Variants in RANBP10 observed in about 807,000 individuals in gnomAD.
RANBP10 encodes the protein ran-binding protein 10.
In RANBP10, 24 loss-of-function variants were observed where a neutral mutation model predicts 72.8. That is an observed-to-expected ratio of 0.33 (90% CI 0.24 to 0.46). The LOEUF (loss-of-function observed/expected upper bound fraction) is 0.46, where lower values mean the gene tolerates loss of function less well. Ranked by LOEUF, RANBP10 falls within the 20% of genes least tolerant of loss-of-function variation. The probability of loss-of-function intolerance (pLI) is 1.00; values close to 1 mark genes in which losing one functional copy is unlikely to be tolerated. For missense variants in RANBP10, 679 were observed against 817.5 expected, an observed-to-expected ratio of 0.83 and a Z score of 2.07; for synonymous variants, 310 against 322.3, an observed-to-expected ratio of 0.96 and a Z score of 0.41.
rs988684440 is a variant in RANBP10 at position 67,806,480 on chromosome 16, G to A, written c.57C>T (p.Ser19=). Residue 19 remains serine, a synonymous_variant, in exon 1 of 14, where the codon TCC becomes TCT. Transcript: ENST00000317506. ...GCAGCCCGCCCCCAGCGCCCCCGCC[G>A]GAGGAGTCCCCAGGCTGCGGGTTCC... ...GAGNPQPGDS[S]GGGAGGGLPS... The A allele has an allele frequency of 3.2e-6, 5 of 1,548,324 alleles. No individual in the cohort carries two copies. Among genetic ancestry groups the A allele is most frequent in the African/African-American group, 2.7e-5 (2 of 72,968 alleles).
chr16:67,751,380 T>C (rs1377294793), intron 3 of RANBP10, among the ~76,000 whole-genome samples: 1 of 152,226 alleles, frequency 6.6e-6, no homozygotes, highest in Non-Finnish European at 1.5e-5. Context: ...TCCCAAGCAC[T>C]TGGGAGGATG....
intron 3 of RANBP10, among the ~76,000 whole-genome samples, chr16:67,769,014 T>C (rs368051997): frequency 2.6e-5 from 4 of 152,240 alleles, no homozygotes; most frequent in East Asian, 3.8e-4. Context: ...CCAAAGATGA[T>C]CTATACATAT....
rs146456542 is a variant in RANBP10 at position 67,726,918 on chromosome 16, A to T, written c.1733-360T>A. On this transcript the variant is annotated intron_variant, in intron 13 of 13. Coordinates refer to ENST00000317506, the MANE Select transcript of RANBP10 (RefSeq NM_020850.3). ...AGAGCTTGCTGCCCCAGTGTGGATAAACATCAGCTCTTTCTGGGGCCAATT... is the reference window on the plus strand; with the variant it reads ...AGAGCTTGCTGCCCCAGTGTGGATATACATCAGCTCTTTCTGGGGCCAATT... Among the ~76,000 whole-genome samples, 558 of 152,286 alleles carry T rather than the reference A, an allele frequency of 3.7e-3. 6 individuals carry two copies. The highest frequency in any genetic ancestry group is 0.012 in the African/African-American group (514 of 41,552).
At chr16:67,794,166 G>A (rs1455666406) in intron 2 of RANBP10, among the ~76,000 whole-genome samples, 6 of 152,130 alleles carry the variant, frequency 3.9e-5, no homozygotes, top group Non-Finnish European at 8.8e-5. Context: ...TGGTCGGGGT[G>A]GTGGCTCAAG....
At chr16:67,774,194 C>T (rs2054655989) in intron 2 of RANBP10, among the ~76,000 whole-genome samples, 1 of 152,240 alleles carries the variant, frequency 6.6e-6, no homozygotes, top group African/African-American at 2.4e-5. Context: ...CAGCCACTCA[C>T]CATGCCCTGT....
Position 67,729,492 on chromosome 16 carries a change from C to T in RANBP10, c.1148-8G>A. Reference sequence around the variant, plus strand: ...AGCTGGGACTGTCTGCTCCTAGAAGCCAGGGTGACAGTCAGAAGAGGAGGG... The same window carrying T: ...AGCTGGGACTGTCTGCTCCTAGAAGTCAGGGTGACAGTCAGAAGAGGAGGG... On this transcript the variant is annotated splice_region_variant and splice_polypyrimidine_tract_variant and intron_variant, in intron 9 of 13. Coordinates refer to ENST00000317506, the MANE Select transcript of RANBP10 (RefSeq NM_020850.3). This position sits in a 1 kb window ranked among gnomAD's most constrained non-coding sequence, Gnocchi z 7.1. The T allele has an allele frequency of 2.5e-6, 4 of 1,609,132 alleles. No homozygotes were observed. The highest frequency in any genetic ancestry group is 3.4e-6 in the Non-Finnish European group (4 of 1,177,916).
chr16:67,806,253 C>T, intron 1 of RANBP10, 49 bp downstream of exon 1: 2 of 1,522,224 alleles, frequency 1.3e-6, no homozygotes, highest in Non-Finnish European at 8.9e-7. Flanking sequence ...AGCAGAGCCA[C>T]CCCACGGACG....
chr16:67,770,260 T>C (rs932009439), intron 3 of RANBP10, among the ~76,000 whole-genome samples: 4 of 152,004 alleles, frequency 2.6e-5, no homozygotes, highest in African/African-American at 7.3e-5. Context: ...CAAGGCCAGA[T>C]GCTCATATAA....
intron 2 of RANBP10, among the ~76,000 whole-genome samples, chr16:67,779,042 C>T (rs920410347): frequency 6.6e-6 from 1 of 151,990 alleles, no homozygotes; most frequent in Non-Finnish European, 1.5e-5. Flanking sequence ...TGCAGTGCCT[C>T]CCGCCATTGC....
At chr16:67,737,753 G>C (rs1024256835) in intron 5 of RANBP10, among the ~76,000 whole-genome samples, 1 of 151,988 alleles carries the variant, frequency 6.6e-6, no homozygotes, top group Non-Finnish European at 1.5e-5. Context: ...CACCCTACCC[G>C]CCCCAGCCCC....
At chr16:67,754,801 T>C (rs2054258535) in intron 3 of RANBP10, among the ~76,000 whole-genome samples, 2 of 152,332 alleles carry the variant, frequency 1.3e-5, no homozygotes, top group South Asian at 2.1e-4. Context: ...CTTCCCGTGA[T>C]AGGCCCTGGC....
intron 2 of RANBP10, among the ~76,000 whole-genome samples, chr16:67,786,066 C>T (rs2143016702): frequency 6.6e-6 from 1 of 151,320 alleles, no homozygotes; most frequent in African/African-American, 2.4e-5. Context: ...TAGCTCACAT[C>T]TGTAATACCA....
In RANBP10 at chr16:67,730,719, TCTGG is replaced by T. The variant is rs1247989695; in HGVS notation, c.890-677_890-674del. 6.6e-6 allele frequency among the ~76,000 whole-genome samples: 1 copy of T among 152,194 alleles called. No individual in the cohort carries two copies. Among genetic ancestry groups the T allele is most frequent in the African/African-American group, 2.4e-5 (1 of 41,446 alleles). On this transcript the variant is annotated intron_variant, in intron 7 of 13. Transcript: ENST00000317506. This position sits in a 1 kb window ranked among gnomAD's most constrained non-coding sequence, Gnocchi z 4.3. ...CAAGTCTGGGATCCCTTTCCGTCTG[TCTGG>T]CTGAGCACAGCTTCTCTGGGAGACA...
At position 67,729,338 on chromosome 16, in the gene RANBP10, T is replaced by C; in HGVS notation, c.1294A>G (p.Asn432Asp). 6.2e-7 allele frequency: 1 copy of C among 1,612,350 alleles called. No individual in the cohort carries two copies. Among genetic ancestry groups the C allele is most frequent in the Non-Finnish European group, 8.5e-7 (1 of 1,179,216 alleles). The change falls in exon 10 of 14, where the codon AAC becomes GAC. Residue 432 changes from asparagine to aspartate, a missense_variant. Physicochemically the swap from Asn to Asp is conservative, Grantham distance 23 (BLOSUM62 1). Transcript: ENST00000317506. The surrounding 1 kb of genome is among the most constrained non-coding windows in gnomAD (Gnocchi z 7.1). The part of the protein sequence containing the change: ...SPSSVNYSES[N>D]STDSTKSQHH... Reference sequence around the variant, plus strand: ...TGGGACTTGGTGGAGTCTGTTGAGTTGGACTCGGAGTAATTGACGGAGGAT... The same window carrying C: ...TGGGACTTGGTGGAGTCTGTTGAGTCGGACTCGGAGTAATTGACGGAGGAT...
At chr16:67,766,799 C>T (rs1270141258) in intron 3 of RANBP10, among the ~76,000 whole-genome samples, 1 of 152,182 alleles carries the variant, frequency 6.6e-6, no homozygotes, top group African/African-American at 2.4e-5. Context: ...ACTCCATCCT[C>T]CCACCTGCCC....
At chr16:67,752,305 G>C (rs1236960236) in intron 3 of RANBP10, among the ~76,000 whole-genome samples, 1 of 152,182 alleles carries the variant, frequency 6.6e-6, no homozygotes, top group Middle Eastern at 3.2e-3. Context: ...TTTATGAAAT[G>C]GAAGATGCCT....
chr16:67,737,438 G>C (rs546960075), intron 5 of RANBP10, among the ~76,000 whole-genome samples: 1 of 151,738 alleles, frequency 6.6e-6, no homozygotes, highest in Non-Finnish European at 1.5e-5. Flanking sequence ...TCCTGACCTC[G>C]TGATTTGCCC....
chr16:67,780,352 A>G (rs1317201896), intron 2 of RANBP10, among the ~76,000 whole-genome samples: 1 of 152,176 alleles, frequency 6.6e-6, no homozygotes, highest in Non-Finnish European at 1.5e-5. Context: ...GTCTGGGCAG[A>G]CCTAGAAAGA....
chr16:67,782,514 C>T (rs569889822), intron 2 of RANBP10, among the ~76,000 whole-genome samples: 1 of 150,290 alleles, frequency 6.7e-6, no homozygotes, highest in South Asian at 2.1e-4. Context: ...TGCAGTGCCG[C>T]GATCTTGGCT....
Sources: allele counts gnomAD v4.1 joint callset (sites outside exome capture counted in the v4.1 genomes callset), GRCh38; gene constraint gnomAD v4.1.1; non-coding constraint Gnocchi (gnomAD v3.1); transcripts MANE v1.5; gene names NCBI Gene and HGNC (gene_info 2026-07-23, HGNC 2026-07-21).